Variants in DNAI1 observed in about 807,000 individuals in gnomAD.
DNAI1 encodes dynein, axonemal, intermediate polypeptide 1.
Under a neutral mutation model 92.0 loss-of-function variants are expected in DNAI1, and 67 were observed. The observed-to-expected ratio is 0.73, with a 90% CI of 0.60 to 0.89. The LOEUF is 0.89. Among genes scored for constraint, DNAI1 ranks in the 40% least tolerant of loss-of-function variants. The pLI, the probability that DNAI1 is intolerant of heterozygous loss-of-function variation, is 0.00. For missense variants in DNAI1, 839 were observed against 866.6 expected, an observed-to-expected ratio of 0.97 and a Z score of 0.40; for synonymous variants, 323 against 319.6, an observed-to-expected ratio of 1.01 and a Z score of -0.11.
At chr9:34,459,711 G>T (rs1229956360) in intron 1 of DNAI1, among the ~76,000 whole-genome samples, 1 of 152,224 alleles carries the variant, frequency 6.6e-6, no homozygotes, top group Non-Finnish European at 1.5e-5. Flanking sequence ...CTTCCGAAGT[G>T]CTGGGATTAC....
chr9:34,511,655 T>C (rs540276699), intron 13 of DNAI1, among the ~76,000 whole-genome samples: 2 of 152,344 alleles, frequency 1.3e-5, no homozygotes, highest in Admixed American at 1.3e-4. Context: ...ACATATAGTA[T>C]CTCATTTATT....
chr9:34,458,862 C>G lies in DNAI1; in HGVS notation c.-144C>G. 2 of 749,504 alleles carry G rather than the reference C, an allele frequency of 2.7e-6. No individual in the cohort carries two copies. The highest frequency in any genetic ancestry group is 2.6e-5 in the East Asian group (1 of 37,818). The allele number at this position is 749,504 out of a possible 1,614,324, so 46.4% of individuals were successfully genotyped here. On this transcript the variant is annotated 5_prime_UTR_variant, in exon 1 of 20. Transcript: ENST00000242317. This position sits in a 1 kb window ranked among gnomAD's most constrained non-coding sequence, Gnocchi z 6.6. The stretch of plus-strand genomic sequence containing the variant: ...TCTATCCTGCAAGGGCACGGGGACC[C>G]ACAACGACGGCTGTCCCTAAAGAAC...
intron 8 of DNAI1, among the ~76,000 whole-genome samples, 174 bp from the exon 9 acceptor site, chr9:34,493,020 C>T (rs1469551760): frequency 1.3e-5 from 2 of 152,006 alleles, no homozygotes; most frequent in Non-Finnish European, 2.9e-5. Flanking sequence ...CATTCTTGTT[C>T]CAGAGCTGAT....
chr9:34,487,524 C>G (rs564878491), intron 4 of DNAI1, among the ~76,000 whole-genome samples: 2 of 151,964 alleles, frequency 1.3e-5, no homozygotes, highest in Non-Finnish European at 2.9e-5. Context: ...GTGAGTTTTG[C>G]GAATGGCTTC....
At chr9:34,465,261 G>C (rs182255062) in intron 1 of DNAI1, among the ~76,000 whole-genome samples, 24 of 152,318 alleles carry the variant, frequency 1.6e-4, no homozygotes, top group African/African-American at 5.1e-4. Flanking sequence ...TGAACGGAGA[G>C]AGAAGTTGAA....
intron 13 of DNAI1, among the ~76,000 whole-genome samples, chr9:34,510,178 C>G (rs1362319227): frequency 1.3e-5 from 2 of 152,242 alleles, no homozygotes; most frequent in African/African-American, 2.4e-5. Flanking sequence ...GGAGTTTGTT[C>G]TGTTGGCAGT....
At chr9:34,510,158 T>C (rs1825037178) in intron 13 of DNAI1, among the ~76,000 whole-genome samples, 1 of 152,144 alleles carries the variant, frequency 6.6e-6, no homozygotes, top group Non-Finnish European at 1.5e-5. Flanking sequence ...AATGCCAGGC[T>C]GAGGCAGAAG....
chr9:34,474,553 CTT>C (rs1197420574), intron 1 of DNAI1, among the ~76,000 whole-genome samples: 2 of 118,406 alleles, frequency 1.7e-5, no homozygotes, highest in Non-Finnish European at 3.6e-5. Context: ...GTGACTATTT[CTT>C]TTTTTTTTTT....
chr9:34,460,586 C>T (rs901987674), intron 1 of DNAI1, among the ~76,000 whole-genome samples: 5 of 152,142 alleles, frequency 3.3e-5, no homozygotes, highest in Non-Finnish European at 7.3e-5. Flanking sequence ...TTGGGCTTTA[C>T]GTTGAAGTTC....
rs540313611 is a variant in DNAI1 at position 34,512,263 on chromosome 9, G to A, written c.1401+65G>A. The stretch of plus-strand genomic sequence containing the variant: ...GGAGGCAGGGAGCTAAATGGCAAAG[G>A]GCAACCCCCAGCCTTGCTCATCTAG... On this transcript the variant is annotated intron_variant, in intron 14 of 19. Transcript: ENST00000242317. 59 of 1,610,818 alleles carry A rather than the reference G, an allele frequency of 3.7e-5. No individual in the cohort carries two copies. In the African/African-American group the frequency reaches 6.9e-4, roughly 19 times the overall value.
intron 10 of DNAI1, among the ~76,000 whole-genome samples, chr9:34,499,192 G>C (rs1457781935): frequency 2.0e-5 from 3 of 152,178 alleles, no homozygotes; most frequent in Non-Finnish European, 4.4e-5. Flanking sequence ...ACCCAAGCGG[G>C]GTAATCTCTG....
chr9:34,488,071 C>A, intron 4 of DNAI1: 1 of 395,498 alleles, frequency 2.5e-6, no homozygotes, highest in Non-Finnish European at 5.1e-6. Flanking sequence ...GAATCTTCAT[C>A]ATGAAAATAG....
intron 8 of DNAI1, among the ~76,000 whole-genome samples, chr9:34,492,508 A>ATATATATATCTATATATATATATATC (rs1225066914): frequency 1.6e-5 from 1 of 62,068 alleles, no homozygotes; most frequent in Non-Finnish European, 3.3e-5. Context: ...ATATATATAT[A>ATATATATATCTATATATATATATATC]TATATATATA....
intron 4 of DNAI1, among the ~76,000 whole-genome samples, chr9:34,487,140 G>A (rs531430757): frequency 4.0e-5 from 6 of 151,896 alleles, no homozygotes; most frequent in Non-Finnish European, 7.4e-5. Flanking sequence ...TTAAGATTGT[G>A]TAGTCAACCA....
intron 4 of DNAI1, 122 bp downstream of exon 4, chr9:34,485,639 G>T: frequency 1.1e-6 from 1 of 932,070 alleles, no homozygotes; most frequent in South Asian, 1.4e-5. Flanking sequence ...TGAGGTCCTT[G>T]GCTAGAATCC....
At chr9:34,459,124 C>G in intron 1 of DNAI1, 71 bp downstream of exon 1, 11 of 1,378,624 alleles carry the variant, frequency 8.0e-6, no homozygotes, top group Non-Finnish European at 1.1e-5. Flanking sequence ...AATCATACCT[C>G]TCCTACTGAT....
intron 4 of DNAI1, among the ~76,000 whole-genome samples, chr9:34,486,128 G>T (rs1317650448): frequency 6.6e-6 from 1 of 152,190 alleles, no homozygotes; most frequent in East Asian, 1.9e-4. Context: ...GTCAGCTCCT[G>T]TGGTTATGAA....
At chr9:34,493,171 CT>C (rs1234761934) in intron 8 of DNAI1, 22 bp from the exon 9 acceptor site, 1 of 1,614,122 alleles carries the variant, frequency 6.2e-7, no homozygotes, top group Non-Finnish European at 8.5e-7. Context: ...TACAATGATC[CT>C]TCTTATCTCA....
intron 9 of DNAI1, 49 bp downstream of exon 9, chr9:34,493,377 CT>C (rs753174457): frequency 1.9e-6 from 3 of 1,613,478 alleles, no homozygotes; most frequent in Non-Finnish European, 2.5e-6. Flanking sequence ...TGAATGAGGC[CT>C]TGGCCTCTGG....
Sources: allele counts gnomAD v4.1 joint callset (sites outside exome capture counted in the v4.1 genomes callset), GRCh38; gene constraint gnomAD v4.1.1; non-coding constraint Gnocchi (gnomAD v3.1); transcripts MANE v1.5; gene names NCBI Gene and HGNC (gene_info 2026-07-23, HGNC 2026-07-21).